Variants in MOB4 observed in about 807,000 individuals in gnomAD.
MOB4 encodes the protein MOB family member 4, phocein, also known as MOB-like protein phocein.
A neutral mutation model predicts 32.2 loss-of-function variants in MOB4; 4 were observed. That is an observed-to-expected ratio of 0.12 (90% confidence interval 0.06 to 0.28). The LOEUF (loss-of-function observed/expected upper bound fraction) is 0.28, where lower values mean the gene tolerates loss of function less well. MOB4 is among the 10% of genes least tolerant of loss of function. The pLI, the probability that MOB4 is intolerant of heterozygous loss-of-function variation, is 1.00. For synonymous variants in MOB4, 88 were observed against 88.1 expected (o/e 1.00, Z 0.01); for missense variants, 158 against 271.2 (o/e 0.58, Z 2.93).
At position 197,540,152 on chromosome 2, in the gene MOB4, A is replaced by G; in HGVS notation, c.266A>G (p.Gln89Arg). The G allele has an allele frequency of 6.2e-7, 1 of 1,605,398 alleles. No homozygotes were observed. The highest frequency in any genetic ancestry group is 8.5e-7 in the Non-Finnish European group (1 of 1,175,664). ...CTAAATGGACTTGCTGTCAAACTTC[A>G]GGTAATATTTTCTTTAAGTCAAAGT... ...LELNGLAVKL[Q>R]SECHPDTCTQ... is the part of the protein sequence containing the mutation. Residue 89 changes from glutamine (Q) to arginine (R), a missense_variant and splice_region_variant, in exon 4 of 8, where the codon CAG (glutamine) becomes CGG (arginine). Around this residue, in one of 6 missense-constraint regions of MOB4, gnomAD observed 21 missense variants for 19.8 expected, o/e 1.06. Coordinates refer to ENST00000323303, the MANE Select transcript of MOB4 (RefSeq NM_015387.5).
intron 5 of MOB4, among the ~76,000 whole-genome samples, chr2:197,546,005 C>T (rs1417628225): frequency 1.3e-5 from 2 of 152,128 alleles, no homozygotes; most frequent in African/African-American, 2.4e-5. Context: ...TATAGTGGGT[C>T]AAACTACAAT....
chr2:197,528,775 C>T (rs1006094382), intron 2 of MOB4, among the ~76,000 whole-genome samples: 2 of 151,492 alleles, frequency 1.3e-5, no homozygotes, highest in Non-Finnish European at 2.9e-5. Flanking sequence ...GCCATCACCC[C>T]CGGCTAATTT....
Position 197,521,785 on chromosome 2 carries a change from A to C in MOB4, c.61-1839A>C, listed in dbSNP as rs577351707. ...TCACCAGTGGTCAGAGTTTAAGGTT[A>C]TCTCTCTTATTCCCTGAACAATTGC... On this transcript the variant is annotated intron_variant, in intron 1 of 7. Coordinates refer to ENST00000323303, the MANE Select transcript of MOB4 (RefSeq NM_015387.5). Among the ~76,000 whole-genome samples, 50 of 152,330 alleles carry C rather than the reference A, an allele frequency of 3.3e-4. 1 individual carries two copies. Among genetic ancestry groups the C allele is most frequent in the African/African-American group, 1.2e-3 (49 of 41,578 alleles).
intron 3 of MOB4, among the ~76,000 whole-genome samples, chr2:197,536,554 T>C (rs1247543578): frequency 6.6e-6 from 1 of 151,466 alleles, no homozygotes; most frequent in Non-Finnish European, 1.5e-5. Context: ...TAATATAGTA[T>C]TTCCGTTTCC....
At chr2:197,534,943 G>T (rs756048268) in intron 2 of MOB4, among the ~76,000 whole-genome samples, 45 of 152,194 alleles carry the variant, frequency 3.0e-4, no homozygotes, top group Middle Eastern at 6.8e-3. Flanking sequence ...CCCTACACCA[G>T]TACAAATCTA....
chr2:197,516,704 G>T (rs1163513208), intron 1 of MOB4: 1 of 471,562 alleles, frequency 2.1e-6, no homozygotes, highest in Non-Finnish European at 4.4e-6. Flanking sequence ...GCTTTCCCTG[G>T]AGCTGTTCTC....
At chr2:197,538,527 T>C (rs2086842756) in intron 3 of MOB4, among the ~76,000 whole-genome samples, 1 of 152,156 alleles carries the variant, frequency 6.6e-6, no homozygotes, top group South Asian at 2.1e-4. Context: ...CTAGCTCATA[T>C]TGAGTCTTAA....
upstream of MOB4, chr2:197,515,662 G>T (rs2086394525): frequency 5.5e-6 from 1 of 183,396 alleles, no homozygotes; most frequent in South Asian, 8.6e-5. Flanking sequence ...CAGAATTACG[G>T]TTCTCTAAGT....
At chr2:197,534,831 C>T (rs907281801) in intron 2 of MOB4, among the ~76,000 whole-genome samples, 1 of 152,106 alleles carries the variant, frequency 6.6e-6, no homozygotes, top group East Asian at 1.9e-4. Context: ...GCATGAGCCC[C>T]GACGCCCGGC....
chr2:197,542,562 G>C (rs1421585205), intron 5 of MOB4, among the ~76,000 whole-genome samples: 4 of 152,144 alleles, frequency 2.6e-5, no homozygotes, highest in Non-Finnish European at 5.9e-5. Context: ...GTATCCTTGA[G>C]AATTAAAGAG....
intron 1 of MOB4, among the ~76,000 whole-genome samples, chr2:197,522,874 G>A (rs2086546102): frequency 2.6e-5 from 4 of 151,912 alleles, no homozygotes; most frequent in Non-Finnish European, 5.9e-5. Flanking sequence ...AATTAGCTGG[G>A]TGTGGTGGTG....
chr2:197,533,519 G>GT (rs2086742248), intron 2 of MOB4, among the ~76,000 whole-genome samples: 1 of 152,096 alleles, frequency 6.6e-6, no homozygotes, highest in Non-Finnish European at 1.5e-5. Context: ...GAGGTCAGGA[G>GT]TTTGAGACCA....
intron 5 of MOB4, among the ~76,000 whole-genome samples, chr2:197,546,774 A>G (rs951223511): frequency 6.6e-6 from 1 of 152,138 alleles, no homozygotes; most frequent in Non-Finnish European, 1.5e-5. Flanking sequence ...TGGGATCCCA[A>G]CCCTCTGTGC....
At chr2:197,547,641 G>A (rs553865389) in intron 5 of MOB4, among the ~76,000 whole-genome samples, 2 of 152,320 alleles carry the variant, frequency 1.3e-5, no homozygotes, top group African/African-American at 4.8e-5. Context: ...ACTGGGTAGA[G>A]TCTTTGAGCT....
chr2:197,524,229 G>C (rs543960590), intron 2 of MOB4, among the ~76,000 whole-genome samples: 4 of 152,030 alleles, frequency 2.6e-5, no homozygotes, highest in Admixed American at 2.6e-4. Context: ...GTGAGATCTT[G>C]TATCTTAAAA....
At chr2:197,538,762 G>A (rs1044910921) in intron 3 of MOB4, among the ~76,000 whole-genome samples, 7 of 152,194 alleles carry the variant, frequency 4.6e-5, no homozygotes, top group Non-Finnish European at 7.4e-5. Context: ...GGTTGGGTAA[G>A]AAACTTACCA....
At chr2:197,516,691 G>T in intron 1 of MOB4, 1 of 471,658 alleles carries the variant, frequency 2.1e-6, no homozygotes, top group South Asian at 1.5e-5. Flanking sequence ...ACCTCTCCCT[G>T]CCGCTTTCCC....
At chr2:197,542,535 C>G (rs2086913602) in intron 5 of MOB4, among the ~76,000 whole-genome samples, 1 of 152,084 alleles carries the variant, frequency 6.6e-6, no homozygotes, top group African/African-American at 2.4e-5. Flanking sequence ...TACTTAGCAC[C>G]AATAATCATT....
intron 3 of MOB4, among the ~76,000 whole-genome samples, chr2:197,536,669 C>T (rs1266562185): frequency 6.9e-6 from 1 of 145,018 alleles, no homozygotes; most frequent in Non-Finnish European, 1.5e-5. Flanking sequence ...TGGTGTGATC[C>T]CGGCTCACCA....
Sources: gnomAD v4.1 joint callset for allele counts (sites outside exome capture counted in the v4.1 genomes callset) on GRCh38, gnomAD v4.1.1 for gene constraint, gnomAD v4.1.1 regional missense constraint, MANE v1.5 for transcripts, NCBI Gene and HGNC (gene_info 2026-07-23, HGNC 2026-07-21) for gene names.